The following ZDHHC11 variants were observed in gnomAD, a reference collection of about 807,000 sequenced individuals.
The protein encoded by ZDHHC11 is palmitoyltransferase ZDHHC11.
ZDHHC11 carries 44 observed loss-of-function variants against 51.3 expected under a neutral mutation model. That is an observed-to-expected ratio of 0.86 (90% CI 0.67 to 1.10). ZDHHC11 has a LOEUF of 1.10. Ranked by LOEUF, ZDHHC11 falls within the 50% of genes least tolerant of loss-of-function variation. The pLI, the probability that ZDHHC11 is intolerant of heterozygous loss-of-function variation, is 0.00. For synonymous variants in ZDHHC11, 163 were observed against 222.0 expected, an observed-to-expected ratio of 0.73 and a Z score of 2.36; for missense variants, 400 against 537.7, an observed-to-expected ratio of 0.74 and a Z score of 2.53.
Position 825,300 on chromosome 5 carries a change from G to T in ZDHHC11, c.936-49C>A, listed in dbSNP as rs1223217446. The T allele has an allele frequency of 2.5e-6, 4 of 1,583,126 alleles. No homozygotes were observed. The East Asian group carries it at 6.7e-5, about 27-fold the overall frequency. On this transcript the variant is annotated intron_variant, in intron 7 of 12. Transcript: ENST00000283441. ...GAAACTCATCTCAGCTTTGTAGGGG[G>T]ACTCAGGGTGGCACTGGAGGCTGCA... is the stretch of plus-strand genomic sequence containing the variant.
chr5:823,200 C>A (rs1250785416), intron 8 of ZDHHC11, among the ~76,000 whole-genome samples: 1 of 151,118 alleles, frequency 6.6e-6, no homozygotes, highest in African/African-American at 2.4e-5. Flanking sequence ...TTGCCTAACA[C>A]AAGACCCCGG....
In ZDHHC11 at chr5:847,322, G is replaced by T. The variant is rs769861926; in HGVS notation, c.503+192C>A. On this transcript the variant is annotated intron_variant, in intron 3 of 12. Transcript: ENST00000283441. Reference sequence around the variant, plus strand: ...TATGCGGATGAGCTTGTCCAGGGACGGCTGCACCACAGCCCCAGAGCCAGA... The same window carrying T: ...TATGCGGATGAGCTTGTCCAGGGACTGCTGCACCACAGCCCCAGAGCCAGA... Among the ~76,000 whole-genome samples the T allele has an allele frequency of 1.7e-3, 251 of 151,820 alleles. 2 individuals are homozygous for T. The highest frequency in any genetic ancestry group is 2.9e-3 in the Non-Finnish European group (195 of 67,770).
intron 8 of ZDHHC11, among the ~76,000 whole-genome samples, chr5:822,663 G>A (rs1244728985): frequency 6.6e-6 from 1 of 151,100 alleles, no homozygotes; most frequent in African/African-American, 2.4e-5. Flanking sequence ...ACTTGATATT[G>A]ATCACCTTTT....
chr5:809,330 G>C lies in ZDHHC11; in HGVS notation c.1181+5431C>G, dbSNP rs1265830984. ...CTTCAGGACCCTTCCTGTAGATGGT[G>C]AGCCTGTGTCCCCAGATTCACAGGC... is the stretch of plus-strand genomic sequence containing the variant. On this transcript the variant is annotated intron_variant, in intron 11 of 12. Coordinates refer to ENST00000283441, the MANE Select transcript of ZDHHC11 (RefSeq NM_024786.3). Among the ~76,000 whole-genome samples the C allele has an allele frequency of 8.8e-4, 125 of 141,756 alleles. 1 individual carries two copies. Among genetic ancestry groups the C allele is most frequent in the African/African-American group, 3.5e-3 (124 of 35,860 alleles). 93.0% of individuals were successfully genotyped at this position (141,756 alleles called of 152,430 possible).
chr5:818,294 T>C (rs1391607984), intron 10 of ZDHHC11, among the ~76,000 whole-genome samples: 2 of 151,392 alleles, frequency 1.3e-5, no homozygotes, highest in African/African-American at 4.8e-5. Flanking sequence ...TGAGGGAACG[T>C]TGGTGGGTGA....
intron 8 of ZDHHC11, chr5:824,116 C>T: frequency 2.2e-6 from 1 of 454,472 alleles, no homozygotes; most frequent in African/African-American, 2.0e-5. Context: ...GGAAGGAGAA[C>T]ACACCTGTAA....
chr5:816,564 T>A, intron 10 of ZDHHC11: 1 of 599,662 alleles, frequency 1.7e-6, no homozygotes. Context: ...TACAAATACG[T>A]GGAGAATTTT....
chr5:813,513 G>A (rs1328343370), intron 11 of ZDHHC11, among the ~76,000 whole-genome samples: 1 of 142,762 alleles, frequency 7.0e-6, no homozygotes, highest in African/African-American at 2.8e-5. Flanking sequence ...ATGAGGTGTG[G>A]GTGCTCCTTC....
upstream of ZDHHC11, among the ~76,000 whole-genome samples, chr5:859,890 C>G (rs759467485): frequency 1.3e-5 from 2 of 152,156 alleles, no homozygotes; most frequent in Non-Finnish European, 2.9e-5. Context: ...GCCTCCGATG[C>G]GGGCCAGCTG....
chr5:823,942 G>A lies in ZDHHC11; in HGVS notation c.1023+1222C>T, dbSNP rs533698740. On this transcript the variant is annotated intron_variant, in intron 8 of 12. Coordinates refer to ENST00000283441, the MANE Select transcript of ZDHHC11 (RefSeq NM_024786.3). Reference sequence around the variant, plus strand: ...GCTGGGGGCTCAATCGATTTCCACCGAGTGTGTCTCCAAATCTTTGCTGGA... The same window carrying A: ...GCTGGGGGCTCAATCGATTTCCACCAAGTGTGTCTCCAAATCTTTGCTGGA... The A allele has an allele frequency of 8.1e-5, 33 of 409,324 alleles. 2 individuals are homozygous for A. Among genetic ancestry groups the A allele is most frequent in the Middle Eastern group, 7.3e-4 (2 of 2,732 alleles). The allele number at this position is 409,324 out of a possible 1,614,324, so 25.4% of individuals were successfully genotyped here. A position where few individuals can be genotyped will look rare whatever the true frequency, so the allele number is the denominator to read the frequency against.
chr5:816,141 A>G (rs565244741), intron 10 of ZDHHC11, among the ~76,000 whole-genome samples: 2 of 151,806 alleles, frequency 1.3e-5, no homozygotes, highest in South Asian at 4.2e-4. Context: ...GGATACAAGT[A>G]TATGACTTGA....
At chr5:845,599 TGCAGCCTCCCTC>T (rs1235495230) in intron 3 of ZDHHC11, among the ~76,000 whole-genome samples, 1 of 152,164 alleles carries the variant, frequency 6.6e-6, no homozygotes, top group African/African-American at 2.4e-5. Flanking sequence ...CTACGAAGTA[TGCAGCCTCCCTC>T]ACAGGGGCTC....
chr5:852,659 CCACGGAGGACA>C (rs1747408422), upstream of ZDHHC11, among the ~76,000 whole-genome samples: 1 of 150,340 alleles, frequency 6.7e-6, no homozygotes, highest in African/African-American at 2.5e-5. Flanking sequence ...GGGACAGACC[CCACGGAGGACA>C]GCGAGCCGGG....
chr5:801,162 A>G lies in ZDHHC11; in HGVS notation c.1184T>C (p.Leu395Pro). ...DDAPSISTLG[L>P]QQETTEPMKT... ...CATGGGCTCTGTTGTTTCTTGTTGC[A>G]GCCTGTTTGCAATATTCAGAAAGAG... Residue 395 changes from leucine (L) to proline (P), a missense_variant and splice_region_variant, in exon 12 of 13, where the codon CTG (leucine) becomes CCG (proline). By Grantham distance (98) the Leu-to-Pro change is moderately conservative. This residue lies in a region of ZDHHC11 where 231 missense variants were observed against 227.4 expected (regional missense o/e 1.02). Coordinates refer to ENST00000283441, the MANE Select transcript of ZDHHC11 (RefSeq NM_024786.3). 1 of 1,610,998 alleles carries G rather than the reference A, an allele frequency of 6.2e-7. No homozygotes were observed. Among genetic ancestry groups the G allele is most frequent in the Non-Finnish European group, 8.5e-7 (1 of 1,177,926 alleles).
intron 11 of ZDHHC11, among the ~76,000 whole-genome samples, chr5:806,162 T>C (rs1408314596): frequency 6.6e-6 from 1 of 151,100 alleles, no homozygotes; most frequent in African/African-American, 2.4e-5. Context: ...TATTAAGCTA[T>C]GGGAAGTAAG....
intron 4 of ZDHHC11, among the ~76,000 whole-genome samples, chr5:842,902 C>A (rs539749268): frequency 1.3e-5 from 2 of 152,338 alleles, no homozygotes; most frequent in Admixed American, 6.5e-5. Context: ...GGCCACCTCC[C>A]CTCTGTGTCT....
Position 841,262 on chromosome 5 carries a change from G to A in ZDHHC11, c.629-612C>T, listed in dbSNP as rs145662256. On this transcript the variant is annotated intron_variant, in intron 4 of 12. Transcript: ENST00000283441. ...GGCCCCAGCACCCATCCTTTCCTAA[G>A]TGCCAGGGCCCCAGCACCCACCCCT... The A allele has an allele frequency of 4.9e-4, 492 of 1,010,462 alleles. 5 individuals carry two copies. The Admixed American group carries it at 0.015, about 30-fold the overall frequency. The allele number at this position is 1,010,462 out of a possible 1,614,324, so 62.6% of individuals were successfully genotyped here. A position where few individuals can be genotyped will look rare whatever the true frequency, so the allele number is the denominator to read the frequency against.
chr5:809,014 C>CAT (rs1554050773), intron 11 of ZDHHC11, among the ~76,000 whole-genome samples: 5 of 139,000 alleles, frequency 3.6e-5, no homozygotes, highest in Admixed American at 2.2e-4. Flanking sequence ...CACACACACA[C>CAT]GCACACTATT....
At chr5:800,917 T>C (rs1051946788) in intron 12 of ZDHHC11, among the ~76,000 whole-genome samples, 183 bp downstream of exon 12, 3 of 151,464 alleles carry the variant, frequency 2.0e-5, no homozygotes, top group Non-Finnish European at 4.4e-5. Flanking sequence ...TCGGCTGCCA[T>C]GCACTACTTC....
Sources: allele counts gnomAD v4.1 joint callset (sites outside exome capture counted in the v4.1 genomes callset), GRCh38; gene constraint gnomAD v4.1.1; regional missense constraint gnomAD v4.1.1; transcripts MANE v1.5; gene names NCBI Gene and HGNC (gene_info 2026-07-23, HGNC 2026-07-21).